Variants in RYR3 observed in about 807,000 individuals in gnomAD.
RYR3 encodes the protein ryanodine receptor 3, also known as brain ryanodine receptor-calcium release channel.
Under a neutral mutation model 584.3 loss-of-function variants are expected in RYR3, and 207 were observed. The observed-to-expected ratio is 0.35, with a 90% CI of 0.32 to 0.40. The LOEUF (loss-of-function observed/expected upper bound fraction) is 0.40, where lower values mean the gene tolerates loss of function less well. Ranked by LOEUF, RYR3 falls within the 10% of genes least tolerant of loss-of-function variation. RYR3 has a pLI of 1.00. For missense variants in RYR3, 5,616 were observed against 6,089.2 expected (o/e 0.92, Z 2.59); for synonymous variants, 2,416 against 2,248.5 (o/e 1.07, Z -2.11).
At chr15:33,834,324 AGTGAGAT>A (rs2077891965) in intron 86 of RYR3, among the ~76,000 whole-genome samples, 1 of 130,792 alleles carries the variant, frequency 7.6e-6, no homozygotes. Flanking sequence ...ACACACACAC[AGTGAGAT>A]TAACATGGAA....
intron 94 of RYR3, chr15:33,851,882 C>G (rs373935653): frequency 6.6e-6 from 1 of 151,824 alleles, no homozygotes; most frequent in South Asian, 2.1e-4. Context: ...GGAAGAAAGT[C>G]AAAATAATTG....
At chr15:33,613,417 C>T in intron 19 of RYR3, 42 bp downstream of exon 19, 1 of 1,538,510 alleles carries the variant, frequency 6.5e-7, no homozygotes, top group Non-Finnish European at 8.8e-7. Flanking sequence ...GCAGTTACCC[C>T]ACCTCCCCGC....
chr15:33,348,621 G>T (rs1426584005), intron 1 of RYR3, among the ~76,000 whole-genome samples: 1 of 152,046 alleles, frequency 6.6e-6, no homozygotes, highest in Non-Finnish European at 1.5e-5. Context: ...GACTACAGGC[G>T]TGCGCCACCA....
intron 67 of RYR3, among the ~76,000 whole-genome samples, chr15:33,800,525 C>A (rs2075863194): frequency 6.6e-6 from 1 of 152,196 alleles, no homozygotes; most frequent in African/African-American, 2.4e-5. Flanking sequence ...TAAGGCAATT[C>A]TTGAATCCTT....
At chr15:33,392,818 G>T (rs1456737745) in intron 1 of RYR3, among the ~76,000 whole-genome samples, 1 of 152,216 alleles carries the variant, frequency 6.6e-6, no homozygotes, top group Non-Finnish European at 1.5e-5. Flanking sequence ...GAAGCAAGTA[G>T]AGTATAGTAT....
intron 98 of RYR3, chr15:33,856,118 C>G (rs554993998): frequency 4.6e-5 from 7 of 152,204 alleles, no homozygotes; most frequent in Non-Finnish European, 8.8e-5. Flanking sequence ...AAATGTCTCA[C>G]CCAAGACCAC....
chr15:33,582,854 A>T (rs1231070479), intron 14 of RYR3, among the ~76,000 whole-genome samples: 1 of 152,180 alleles, frequency 6.6e-6, no homozygotes, highest in African/African-American at 2.4e-5. Flanking sequence ...TCTTTATCCT[A>T]AATTTGCCAT....
intron 1 of RYR3, among the ~76,000 whole-genome samples, chr15:33,451,030 C>G (rs1424066937): frequency 2.6e-5 from 4 of 152,202 alleles, no homozygotes; most frequent in Non-Finnish European, 5.9e-5. Context: ...AGAGGCAAAT[C>G]TGTGCTGGCA....
intron 12 of RYR3, 48 bp downstream of exon 12, chr15:33,566,847 C>A (rs750922462): frequency 2.3e-5 from 37 of 1,602,416 alleles, no homozygotes; most frequent in Non-Finnish European, 3.2e-5. Flanking sequence ...GACTCTGTGG[C>A]CTGCCAACAC....
intron 3 of RYR3, among the ~76,000 whole-genome samples, chr15:33,511,848 G>C (rs561842580): frequency 1.3e-5 from 2 of 152,072 alleles, no homozygotes; most frequent in Non-Finnish European, 2.9e-5. Context: ...GCGCGATCTC[G>C]GCTCACTGCA....
intron 1 of RYR3, among the ~76,000 whole-genome samples, chr15:33,333,963 T>C (rs1407068910): frequency 2.0e-5 from 3 of 152,092 alleles, no homozygotes; most frequent in Non-Finnish European, 4.4e-5. Context: ...TACCTAGGAA[T>C]ATAGCTAACA....
chr15:33,742,182 A>T (rs1430246983), intron 51 of RYR3, among the ~76,000 whole-genome samples, 184 bp from the exon 52 acceptor site: 9 of 152,190 alleles, frequency 5.9e-5, no homozygotes, highest in Non-Finnish European at 8.8e-5. Flanking sequence ...TCCGTGACCT[A>T]ACCCTGGCTA....
intron 65 of RYR3, among the ~76,000 whole-genome samples, chr15:33,784,596 C>T (rs1483181952): frequency 6.6e-6 from 1 of 152,186 alleles, no homozygotes; most frequent in Non-Finnish European, 1.5e-5. Flanking sequence ...TCCTTCAGTG[C>T]CGGATGTTTT....
intron 45 of RYR3, among the ~76,000 whole-genome samples, 200 bp downstream of exon 45, chr15:33,724,376 T>A (rs2068188121): frequency 6.6e-6 from 1 of 152,234 alleles, no homozygotes; most frequent in African/African-American, 2.4e-5. Flanking sequence ...CCCGGGCAGA[T>A]CCCTGTCTTG....
intron 53 of RYR3, 95 bp from the exon 54 acceptor site, chr15:33,748,019 C>A: frequency 8.5e-7 from 1 of 1,174,272 alleles, no homozygotes; most frequent in South Asian, 1.3e-5. Flanking sequence ...ACTAGCACCC[C>A]CACCCACAGT....
intron 18 of RYR3, among the ~76,000 whole-genome samples, chr15:33,604,819 C>G (rs997286177): frequency 6.6e-6 from 1 of 152,190 alleles, no homozygotes; most frequent in African/African-American, 2.4e-5. Context: ...TCATAAGGTT[C>G]ACAGGAAACT....
chr15:33,664,589 G>GTGTGTATATATATATATATATATATA (rs577496539), intron 36 of RYR3, among the ~76,000 whole-genome samples: 7 of 91,370 alleles, frequency 7.7e-5, no homozygotes, highest in African/African-American at 2.2e-4. Flanking sequence ...GTGTGTGTGT[G>GTGTGTATATATATATATATATATATA]TATATATATA....
intron 99 of RYR3, chr15:33,858,551 G>A (rs1330251909): frequency 2.4e-5 from 1 of 42,286 alleles, no homozygotes; most frequent in Non-Finnish European, 1.2e-4. Flanking sequence ...TAAATTTCAT[G>A]GAAGTTGAGC....
At chr15:33,731,919 C>G (rs889589371) in intron 48 of RYR3, among the ~76,000 whole-genome samples, 15 of 152,172 alleles carry the variant, frequency 9.9e-5, no homozygotes, top group African/African-American at 3.6e-4. Context: ...GGGCACAGCT[C>G]AGGCTTTACC....
Sources: gnomAD v4.1 joint callset for allele counts (sites outside exome capture counted in the v4.1 genomes callset) on GRCh38, gnomAD v4.1.1 for gene constraint, MANE v1.5 for transcripts, NCBI Gene and HGNC (gene_info 2026-07-23, HGNC 2026-07-21) for gene names.